NBEA: variants seen among roughly 807,000 people sequenced by gnomAD.
The protein encoded by NBEA is neurobeachin, also known as lysosomal-trafficking regulator 2.
Under a neutral mutation model 343.4 loss-of-function variants are expected in NBEA, and 44 were observed. That is an observed-to-expected ratio of 0.13 (90% CI 0.10 to 0.16). The LOEUF (loss-of-function observed/expected upper bound fraction) is 0.16, where lower values mean the gene tolerates loss of function less well. Among genes scored for constraint, NBEA ranks in the 10% least tolerant of loss-of-function variants. The probability of loss-of-function intolerance (pLI) is 1.00; values close to 1 mark genes in which losing one functional copy is unlikely to be tolerated. For synonymous variants in NBEA, 1,175 were observed against 1,238.7 expected (o/e 0.95, Z 1.08); for missense variants, 2,555 against 3,631.3 (o/e 0.70, Z 7.62).
chr13:35,327,401 A>T (rs933391763), intron 36 of NBEA, among the ~76,000 whole-genome samples: 1 of 152,118 alleles, frequency 6.6e-6, no homozygotes, highest in Non-Finnish European at 1.5e-5. Flanking sequence ...GGTGGATTGG[A>T]TAAAGAAAAT....
intron 18 of NBEA, among the ~76,000 whole-genome samples, chr13:35,154,238 G>T (rs1188424904): frequency 6.6e-6 from 1 of 152,178 alleles, no homozygotes; most frequent in Non-Finnish European, 1.5e-5. Context: ...GAAGGAAAAT[G>T]AAACTTCTGG....
Position 35,671,894 on chromosome 13 carries a change from A to T in NBEA, c.*903A>T, listed in dbSNP as rs1214950303. On this transcript the variant is annotated 3_prime_UTR_variant, in exon 59 of 59. Transcript: ENST00000379939. ...GTAGTAATAACTTCCCAGCACCTGG[A>T]CATCTCTTCCAGAGTTATCCCACTG... The T allele has an allele frequency of 1.3e-5, 2 of 152,486 alleles. No homozygotes were observed. Among genetic ancestry groups the T allele is most frequent in the East Asian group, 1.9e-4 (1 of 5,200 alleles). The allele number at this position is 152,486 out of a possible 1,614,324, so 9.4% of individuals were successfully genotyped here.
chr13:35,152,653 G>C (rs2068867048), intron 18 of NBEA, among the ~76,000 whole-genome samples: 1 of 152,130 alleles, frequency 6.6e-6, no homozygotes. Flanking sequence ...GTAATGCTGG[G>C]CTCAGGTGTA....
chr13:35,601,931 A>T (rs1224417886), intron 47 of NBEA, among the ~76,000 whole-genome samples: 1 of 152,122 alleles, frequency 6.6e-6, no homozygotes, highest in Admixed American at 6.5e-5. Context: ...TACCCACCCA[A>T]TCTTTACCTC....
chr13:35,414,644 G>A (rs1594544831), intron 38 of NBEA, among the ~76,000 whole-genome samples: 1 of 152,080 alleles, frequency 6.6e-6, no homozygotes, highest in South Asian at 2.1e-4. Context: ...TGGACATTTG[G>A]GTTGGTTCCA....
intron 38 of NBEA, among the ~76,000 whole-genome samples, chr13:35,423,198 A>C (rs1056719826): frequency 8.6e-5 from 13 of 151,972 alleles, no homozygotes; most frequent in African/African-American, 2.7e-4. Context: ...ATTGCTTTTG[A>C]TGTTTTAGAC....
chr13:35,653,202 G>A (rs2084642560), intron 53 of NBEA, among the ~76,000 whole-genome samples: 1 of 151,988 alleles, frequency 6.6e-6, no homozygotes, highest in Admixed American at 6.6e-5. Context: ...ATGTAAGACA[G>A]TTTTTAATAA....
chr13:35,290,581 G>T, intron 35 of NBEA, 131 bp downstream of exon 35: 1 of 586,260 alleles, frequency 1.7e-6, no homozygotes, highest in East Asian at 3.1e-5. Flanking sequence ...CATAGATGGA[G>T]AAAATAATTT....
At chr13:35,661,871 A>G (rs1457017436) in intron 55 of NBEA, among the ~76,000 whole-genome samples, 1 of 152,234 alleles carries the variant, frequency 6.6e-6, no homozygotes, top group African/African-American at 2.4e-5. Context: ...AGGGTCAGAA[A>G]TAAAATCTGA....
At chr13:35,170,678 C>T (rs775962317) in intron 25 of NBEA, among the ~76,000 whole-genome samples, 2 of 151,498 alleles carry the variant, frequency 1.3e-5, no homozygotes, top group Non-Finnish European at 3.0e-5. Context: ...GATGAGTTAG[C>T]GATCTTGATT....
At chr13:35,116,977 C>T (rs2066527089) in intron 13 of NBEA, among the ~76,000 whole-genome samples, 1 of 151,676 alleles carries the variant, frequency 6.6e-6, no homozygotes, top group Admixed American at 6.6e-5. Flanking sequence ...TGCAATAAAA[C>T]AGAGTGTCAT....
At chr13:34,948,062 A>G (rs1348517626) in intron 1 of NBEA, among the ~76,000 whole-genome samples, 1 of 152,226 alleles carries the variant, frequency 6.6e-6, no homozygotes, top group Non-Finnish European at 1.5e-5. Flanking sequence ...TACGTAATGC[A>G]TTGAAGAGAA....
chr13:35,065,858 C>T (rs1411342553), intron 8 of NBEA, among the ~76,000 whole-genome samples: 1 of 152,220 alleles, frequency 6.6e-6, no homozygotes, highest in East Asian at 1.9e-4. Flanking sequence ...TTTCTAACAT[C>T]CCAGTTTGGA....
chr13:35,020,158 C>T (rs956037832), intron 1 of NBEA, among the ~76,000 whole-genome samples: 1 of 152,006 alleles, frequency 6.6e-6, no homozygotes, highest in African/African-American at 2.4e-5. Flanking sequence ...ATACATTTCT[C>T]TAAAGCACTG....
chr13:35,346,674 T>G (rs923768894), intron 36 of NBEA, among the ~76,000 whole-genome samples: 1 of 152,156 alleles, frequency 6.6e-6, no homozygotes, highest in African/African-American at 2.4e-5. Flanking sequence ...ATTGGAGAGA[T>G]AGCTGCTCCA....
intron 1 of NBEA, among the ~76,000 whole-genome samples, chr13:34,979,154 C>T (rs769029136): frequency 6.6e-6 from 1 of 152,096 alleles, no homozygotes; most frequent in Non-Finnish European, 1.5e-5. Context: ...TGTATTGATA[C>T]CCCACTGTGG....
chr13:35,045,129 A>G lies in NBEA; in HGVS notation c.627+82A>G, dbSNP rs1035120580. 19 of 1,281,784 alleles carry G rather than the reference A, an allele frequency of 1.5e-5. No homozygotes were observed. The African/African-American group carries it at 2.4e-4, about 16-fold the overall frequency. 79.4% of individuals were successfully genotyped at this position (1,281,784 alleles called of 1,614,324 possible). A position where few individuals can be genotyped will look rare whatever the true frequency, so the allele number is the denominator to read the frequency against. ...CAAAAGTTTGTCTCTAGAGAGCTAT[A>G]TACTTGAATTTATAATGGAAATTGC... On this transcript the variant is annotated intron_variant, in intron 3 of 58. Coordinates refer to ENST00000379939, the MANE Select transcript of NBEA (RefSeq NM_001385012.1).
At chr13:35,471,112 CA>C (rs2075624111) in intron 40 of NBEA, among the ~76,000 whole-genome samples, 1 of 152,188 alleles carries the variant, frequency 6.6e-6, no homozygotes, top group African/African-American at 2.4e-5. Flanking sequence ...CTGACACTGT[CA>C]CAGTTTGCTC....
chr13:35,593,450 A>G lies in NBEA; in HGVS notation c.7296+3A>G. On this transcript the variant is annotated splice_donor_region_variant and intron_variant, in intron 47 of 58. Transcript: ENST00000379939. ...AGAGAGATACTTCTGATGTAAAGGT[A>G]GGCTCTTTTATTTGTTGATATTCAT... 1 of 1,592,990 alleles carries G rather than the reference A, an allele frequency of 6.3e-7. No individual in the cohort carries two copies. Among genetic ancestry groups the G allele is most frequent in the East Asian group, 2.2e-5 (1 of 44,708 alleles).
Sources: gnomAD v4.1 joint callset for allele counts (sites outside exome capture counted in the v4.1 genomes callset) on GRCh38, gnomAD v4.1.1 for gene constraint, MANE v1.5 for transcripts, NCBI Gene and HGNC (gene_info 2026-07-23, HGNC 2026-07-21) for gene names.